The following ASTN2 variants were observed in gnomAD, a reference collection of about 807,000 sequenced individuals.
ASTN2 encodes astrotactin 2.
Under a neutral mutation model 139.8 loss-of-function variants are expected in ASTN2, and 54 were observed. The ratio of observed to expected loss-of-function variants is 0.39; its 90% CI spans 0.31 to 0.48. The LOEUF is 0.48. Among genes scored for constraint, ASTN2 ranks in the 20% least tolerant of loss-of-function variants. The pLI, the probability that ASTN2 is intolerant of heterozygous loss-of-function variation, is 0.95. For missense variants in ASTN2, 1,565 were observed against 1,725.1 expected, an observed-to-expected ratio of 0.91 and a Z score of 1.64; for synonymous variants, 756 against 719.5, an observed-to-expected ratio of 1.05 and a Z score of -0.81.
At chr9:117,061,560 C>T (rs1323182075) in intron 5 of ASTN2, among the ~76,000 whole-genome samples, 2 of 152,158 alleles carry the variant, frequency 1.3e-5, no homozygotes, top group African/African-American at 2.4e-5. Flanking sequence ...TTAGACTCAT[C>T]TTTAAACGTC....
chr9:117,339,221 T>C (rs1181798288), intron 1 of ASTN2, among the ~76,000 whole-genome samples: 2 of 152,162 alleles, frequency 1.3e-5, no homozygotes, highest in South Asian at 4.1e-4. Flanking sequence ...CAGAGGGCAA[T>C]TGACTTTGTT....
chr9:117,327,834 T>C (rs369569251), intron 1 of ASTN2, among the ~76,000 whole-genome samples: 3 of 152,194 alleles, frequency 2.0e-5, no homozygotes, highest in African/African-American at 7.2e-5. Context: ...AAAGCAATCA[T>C]TCAACAGATT....
chr9:116,486,151 C>T (rs1178853089), intron 20 of ASTN2, among the ~76,000 whole-genome samples: 1 of 152,164 alleles, frequency 6.6e-6, no homozygotes, highest in Non-Finnish European at 1.5e-5. Context: ...ATGTCAAAGC[C>T]AGATTTGAAT....
chr9:116,775,580 GAAGT>G (rs1414536419), intron 13 of ASTN2, among the ~76,000 whole-genome samples: 5 of 72,532 alleles, frequency 6.9e-5, no homozygotes, highest in African/African-American at 5.7e-5. Context: ...AAGGGAGGAG[GAAGT>G]AAGGGAGGGA....
At chr9:117,043,392 G>A (rs1838637280) in intron 5 of ASTN2, among the ~76,000 whole-genome samples, 1 of 152,056 alleles carries the variant, frequency 6.6e-6, no homozygotes, top group South Asian at 2.1e-4. Flanking sequence ...CTCATTCCTG[G>A]CCCACACAGC....
At chr9:116,820,532 T>G (rs949941827) in intron 12 of ASTN2, 85 bp downstream of exon 12, 16 of 1,472,766 alleles carry the variant, frequency 1.1e-5, no homozygotes, top group Non-Finnish European at 1.5e-5. Flanking sequence ...GGTTCAGCCT[T>G]GCTGAGCTGT....
At chr9:116,494,751 G>A (rs1849619221) in intron 19 of ASTN2, among the ~76,000 whole-genome samples, 1 of 152,164 alleles carries the variant, frequency 6.6e-6, no homozygotes, top group Non-Finnish European at 1.5e-5. Flanking sequence ...AGTTTCATCT[G>A]TAAATAACTT....
At chr9:116,480,977 A>T (rs1447064619) in intron 20 of ASTN2, among the ~76,000 whole-genome samples, 1 of 152,198 alleles carries the variant, frequency 6.6e-6, no homozygotes, top group Non-Finnish European at 1.5e-5. Flanking sequence ...TCCTGCTGCC[A>T]TTTGGTAAGC....
At position 117,414,466 on chromosome 9, in the gene ASTN2, G is replaced by A. The variant is rs1303598804; in HGVS notation, c.442+31C>T. 5 of 1,603,240 alleles carry A rather than the reference G, an allele frequency of 3.1e-6. No homozygotes were observed. The highest frequency in any genetic ancestry group is 4.3e-6 in the Non-Finnish European group (5 of 1,175,324). ...TGACGCAGGGGCTCGGGGTTCCTTGGGATCTAGCGCGTGCCGGCGCCCAGC... is the reference window on the plus strand; with the variant it reads ...TGACGCAGGGGCTCGGGGTTCCTTGAGATCTAGCGCGTGCCGGCGCCCAGC... On this transcript the variant is annotated intron_variant, in intron 1 of 22. Coordinates refer to ENST00000313400, the MANE Select transcript of ASTN2 (RefSeq NM_001365068.1). This position sits in a 1 kb window ranked among gnomAD's most constrained non-coding sequence, Gnocchi z 4.2.
chr9:116,898,371 C>G (rs144329131), intron 10 of ASTN2, among the ~76,000 whole-genome samples: 3,679 of 149,312 alleles, frequency 0.025, 141 homozygotes, highest in African/African-American at 0.084. Flanking sequence ...GATCACACCA[C>G]TGCACTCCAG....
intron 7 of ASTN2, among the ~76,000 whole-genome samples, chr9:116,987,185 C>G (rs1836711447): frequency 6.6e-6 from 1 of 152,244 alleles, no homozygotes; most frequent in Non-Finnish European, 1.5e-5. Flanking sequence ...ATCCCCAGTG[C>G]TGGGGGAAGG....
Position 116,477,033 on chromosome 9 carries a change from C to T in ASTN2, c.3497+10326G>A, listed in dbSNP as rs188355611. ...TAGCCCTCCAGCGCAGCCTCAGCTCCCACCCCCTCCCCACTCCACAAGGTC... is the reference window on the plus strand; with the variant it reads ...TAGCCCTCCAGCGCAGCCTCAGCTCTCACCCCCTCCCCACTCCACAAGGTC... On this transcript the variant is annotated intron_variant, in intron 20 of 22. Transcript: ENST00000313400. Among the ~76,000 whole-genome samples, 958 of 152,154 alleles carry T rather than the reference C, an allele frequency of 6.3e-3. 6 individuals carry two copies. Among genetic ancestry groups the T allele is most frequent in the Non-Finnish European group, 8.4e-3 (573 of 67,996 alleles).
chr9:117,384,612 A>G (rs1588000896), intron 1 of ASTN2, among the ~76,000 whole-genome samples: 2 of 152,286 alleles, frequency 1.3e-5, no homozygotes, highest in African/African-American at 4.8e-5. Context: ...GTCATTTCCT[A>G]TGGGCCATGG....
intron 17 of ASTN2, among the ~76,000 whole-genome samples, chr9:116,651,052 G>A (rs1023143089): frequency 2.6e-5 from 4 of 151,550 alleles, no homozygotes; most frequent in African/African-American, 9.7e-5. Context: ...ACGTAGCTGC[G>A]ATTACAGATG....
intron 17 of ASTN2, among the ~76,000 whole-genome samples, chr9:116,626,767 C>T (rs1415481958): frequency 1.3e-5 from 2 of 152,008 alleles, no homozygotes; most frequent in African/African-American, 2.4e-5. Context: ...AAGCATGGTG[C>T]GCCCATGCTG....
At chr9:116,518,854 T>C (rs1440515313) in intron 19 of ASTN2, among the ~76,000 whole-genome samples, 1 of 80,174 alleles carries the variant, frequency 1.2e-5, no homozygotes, top group Non-Finnish European at 2.5e-5. Flanking sequence ...TAGGAGTAGC[T>C]ATTCCTACAT....
At chr9:116,772,082 C>A (rs911649277) in intron 13 of ASTN2, among the ~76,000 whole-genome samples, 34 of 152,196 alleles carry the variant, frequency 2.2e-4, no homozygotes, top group African/African-American at 8.0e-4. Flanking sequence ...CATCAGAATC[C>A]TAGGTTCCCA....
intron 2 of ASTN2, among the ~76,000 whole-genome samples, chr9:117,217,139 A>G (rs1832349105): frequency 6.6e-6 from 1 of 152,132 alleles, no homozygotes; most frequent in Non-Finnish European, 1.5e-5. Flanking sequence ...AGGAGGAAAG[A>G]TGGTGAGGGT....
chr9:117,045,052 C>T (rs1838691404), intron 5 of ASTN2, among the ~76,000 whole-genome samples: 1 of 152,064 alleles, frequency 6.6e-6, no homozygotes, highest in Admixed American at 6.6e-5. Context: ...AATAAGGTCC[C>T]AGGATACCCT....
Sources: gnomAD v4.1 joint callset for allele counts (sites outside exome capture counted in the v4.1 genomes callset) on GRCh38, gnomAD v4.1.1 for gene constraint, Gnocchi (gnomAD v3.1) non-coding constraint, MANE v1.5 for transcripts, NCBI Gene and HGNC (gene_info 2026-07-23, HGNC 2026-07-21) for gene names.